MYMX: variants seen among roughly 807,000 people sequenced by gnomAD.
MYMX encodes myomixer, myoblast fusion factor.
At chr6:44,197,457 C>T in the MYMX span, among the ~76,000 whole-genome samples, 1 of 152,148 alleles carries the variant, frequency 6.6e-6, no homozygotes, top group East Asian at 1.9e-4. Context: ...CGCTTGAACC[C>T]AGGAGGCGGA....
the MYMX span, among the ~76,000 whole-genome samples, chr6:44,197,628 A>C: frequency 6.6e-6 from 1 of 152,232 alleles, no homozygotes; most frequent in South Asian, 2.1e-4. Flanking sequence ...TTCTGGGTAT[A>C]GTTTGCAGTT....
the MYMX span, among the ~76,000 whole-genome samples, chr6:44,202,845 T>C: frequency 6.6e-6 from 1 of 152,116 alleles, no homozygotes; most frequent in Admixed American, 6.5e-5. Flanking sequence ...CCCTCTGGAG[T>C]TCCCCATTGT....
upstream of MYMX, among the ~76,000 whole-genome samples, chr6:44,212,232 A>G (rs141668710): frequency 3.1e-4 from 47 of 151,638 alleles, no homozygotes; most frequent in East Asian, 8.6e-3. Context: ...ATGGCCAAAC[A>G]TGTCTCTACT....
chr6:44,217,583 C>G lies in MYMX; in HGVS notation c.112C>G (p.Arg38Gly), dbSNP rs1582911452. ...CCTGCCCCTGCTGCGCCGATTGGCC[C>G]GCCGCCTGGGCTCCCAGGACATGCG... ...YLLPLLRRLA[R>G]RLGSQDMREA... Residue 38 changes from arginine (R) to glycine (G), a missense_variant, in exon 2 of 2, where the codon CGC becomes GGC. Transcript: ENST00000573382. The G allele has an allele frequency of 5.0e-6, 2 of 402,022 alleles. No homozygotes were observed. Among genetic ancestry groups the G allele is most frequent in the Non-Finnish European group, 8.8e-6 (2 of 227,262 alleles). The allele number at this position is 402,022 out of a possible 1,614,324, so 24.9% of individuals were successfully genotyped here. A position where few individuals can be genotyped will look rare whatever the true frequency, so the allele number is the denominator to read the frequency against.
In MYMX at chr6:44,217,579, G is replaced by C; in HGVS notation, c.108G>C (p.Leu36Phe). ...RQYLLPLLRR[L>F]ARRLGSQDMR... ...ACCTCCTGCCCCTGCTGCGCCGATT[G>C]GCCCGCCGCCTGGGCTCCCAGGACA... Residue 36 changes from leucine to phenylalanine, a missense_variant, in exon 2 of 2, where the codon TTG (leucine) becomes TTC (phenylalanine). Leu to Phe is a conservative substitution (Grantham distance 22). Transcript: ENST00000573382. The C allele has an allele frequency of 2.5e-6, 1 of 402,194 alleles. No individual in the cohort carries two copies. The allele number at this position is 402,194 out of a possible 1,614,324, so 24.9% of individuals were successfully genotyped here.
the MYMX span, among the ~76,000 whole-genome samples, chr6:44,202,718 G>A: frequency 6.6e-6 from 1 of 152,048 alleles, no homozygotes; most frequent in East Asian, 1.9e-4. Flanking sequence ...AGTGAGGATG[G>A]GAAGGTGGTG....
chr6:44,198,977 C>CA, the MYMX span, among the ~76,000 whole-genome samples: 1 of 152,030 alleles, frequency 6.6e-6, no homozygotes, highest in Non-Finnish European at 1.5e-5. Flanking sequence ...TGGGGATGGC[C>CA]AACTGTTCCA....
chr6:44,196,386 CTCTT>C, the MYMX span, among the ~76,000 whole-genome samples: 3 of 152,172 alleles, frequency 2.0e-5, no homozygotes, highest in Non-Finnish European at 4.4e-5. Flanking sequence ...GTGTTATAAA[CTCTT>C]TCTTTAGGCT....
At chr6:44,194,367 A>C in the MYMX span, among the ~76,000 whole-genome samples, 1 of 152,168 alleles carries the variant, frequency 6.6e-6, no homozygotes, top group Non-Finnish European at 1.5e-5. Context: ...AGGGGCATCC[A>C]CTGGATTTTC....
chr6:44,203,347 G>T, the MYMX span, among the ~76,000 whole-genome samples: 1 of 152,226 alleles, frequency 6.6e-6, no homozygotes, highest in Non-Finnish European at 1.5e-5. Flanking sequence ...GTGTGAGACA[G>T]ATCTCCGTCA....
chr6:44,203,354 G>T, the MYMX span, among the ~76,000 whole-genome samples: 1 of 152,182 alleles, frequency 6.6e-6, no homozygotes, highest in Non-Finnish European at 1.5e-5. Context: ...ACAGATCTCC[G>T]TCAACTTAGC....
the MYMX span, among the ~76,000 whole-genome samples, chr6:44,205,746 T>G: frequency 6.6e-6 from 1 of 151,708 alleles, no homozygotes; most frequent in Admixed American, 6.6e-5. Flanking sequence ...GAGGTGGAGG[T>G]TGCAGTGAGC....
the MYMX span, among the ~76,000 whole-genome samples, chr6:44,198,404 A>G: frequency 6.6e-6 from 1 of 151,950 alleles, no homozygotes; most frequent in East Asian, 1.9e-4. Context: ...TGACCTCGTG[A>G]TCTACCCGCC....
chr6:44,215,751 C>T (rs976056983), upstream of MYMX, among the ~76,000 whole-genome samples: 1 of 151,716 alleles, frequency 6.6e-6, no homozygotes, highest in Non-Finnish European at 1.5e-5. Context: ...AAAAATTAGC[C>T]GGGCATCGTG....
chr6:44,197,426 C>T, the MYMX span, among the ~76,000 whole-genome samples: 2 of 151,490 alleles, frequency 1.3e-5, no homozygotes, highest in Non-Finnish European at 2.9e-5. Context: ...CCAGCTCCTC[C>T]GGAGGCTGAG....
the MYMX span, among the ~76,000 whole-genome samples, chr6:44,197,260 C>T: frequency 2.6e-5 from 4 of 151,454 alleles, no homozygotes; most frequent in East Asian, 3.9e-4. Context: ...AGGCTGGGCA[C>T]GGCGGCTCAC....
the MYMX span, among the ~76,000 whole-genome samples, chr6:44,211,623 T>C: frequency 2.0e-5 from 3 of 150,510 alleles, no homozygotes; most frequent in Admixed American, 1.3e-4. Flanking sequence ...TCTTTTCTTT[T>C]TTTTTTTTTT....
chr6:44,217,656 C>T lies in MYMX; in HGVS notation c.185C>T (p.Ser62Leu), dbSNP rs932437024. ...CTGTTCATTCTCAGCCAGCGACACT[C>T]GCCAGACGCTGGGGAGGCCTCAAGA... ...CLLFILSQRH[S>L]PDAGEASRVD... Residue 62 changes from serine to leucine, a missense_variant, in exon 2 of 2, where the codon TCG (serine) becomes TTG (leucine). Transcript: ENST00000573382. The T allele has an allele frequency of 1.0e-5, 4 of 400,904 alleles. No individual in the cohort carries two copies. Among genetic ancestry groups the T allele is most frequent in the Admixed American group, 4.4e-5 (1 of 22,728 alleles). The allele number at this position is 400,904 out of a possible 1,614,324, so 24.8% of individuals were successfully genotyped here.
the MYMX span, among the ~76,000 whole-genome samples, chr6:44,193,468 A>C: frequency 9.2e-5 from 14 of 152,162 alleles, no homozygotes; most frequent in Non-Finnish European, 1.0e-4. Flanking sequence ...TGAGGCACAG[A>C]ATGGCTAATG....
Sources: gnomAD v4.1 joint callset for allele counts (sites outside exome capture counted in the v4.1 genomes callset) on GRCh38, gnomAD v4.1.1 for gene constraint, MANE v1.5 for transcripts, NCBI Gene and HGNC (gene_info 2026-07-23, HGNC 2026-07-21) for gene names.